NEK11: variants seen among roughly 807,000 people sequenced by gnomAD.
The protein encoded by NEK11 is serine/threonine-protein kinase Nek11.
A neutral mutation model predicts 80.7 loss-of-function variants in NEK11; 72 were observed. The observed-to-expected ratio is 0.89, with a 90% CI of 0.74 to 1.08. The LOEUF is 1.08. NEK11 is among the 50% of genes least tolerant of loss of function. The pLI is 0.00. For synonymous variants in NEK11, 251 were observed against 260.7 expected, an observed-to-expected ratio of 0.96 and a Z score of 0.36; for missense variants, 764 against 763.6, an observed-to-expected ratio of 1.00 and a Z score of -0.01.
At chr3:131,086,260 T>C (rs1198257546) in intron 4 of NEK11, among the ~76,000 whole-genome samples, 2 of 152,322 alleles carry the variant, frequency 1.3e-5, no homozygotes, top group African/African-American at 4.8e-5. Context: ...CCTGTTTCTT[T>C]TCAAATCTTC....
chr3:131,262,625 T>G (rs190707626), intron 16 of NEK11, among the ~76,000 whole-genome samples: 1 of 152,162 alleles, frequency 6.6e-6, no homozygotes, highest in Non-Finnish European at 1.5e-5. Context: ...TTTCTTCATG[T>G]TACTGGATTT....
At chr3:131,334,951 A>G (rs2097156717) in intron 17 of NEK11, among the ~76,000 whole-genome samples, 1 of 152,228 alleles carries the variant, frequency 6.6e-6, no homozygotes, top group South Asian at 2.1e-4. Flanking sequence ...GACCAATAAC[A>G]GGATCTGAAA....
At chr3:131,228,846 A>C (rs2095270399) in intron 15 of NEK11, among the ~76,000 whole-genome samples, 158 bp downstream of exon 15, 1 of 152,076 alleles carries the variant, frequency 6.6e-6, no homozygotes, top group African/African-American at 2.4e-5. Context: ...CAAGGTCCAG[A>C]GGCAGGCAGG....
chr3:131,121,654 A>G (rs912800756), intron 5 of NEK11, among the ~76,000 whole-genome samples: 3 of 152,050 alleles, frequency 2.0e-5, no homozygotes, highest in African/African-American at 7.2e-5. Context: ...CTTCCAGGCC[A>G]CTTTGTTTAC....
At chr3:131,082,354 G>A (rs1353825231) in intron 4 of NEK11, among the ~76,000 whole-genome samples, 3 of 152,108 alleles carry the variant, frequency 2.0e-5, no homozygotes. Context: ...GACTCATACT[G>A]CTTATAACTA....
chr3:131,105,563 T>C (rs577081141), intron 4 of NEK11, among the ~76,000 whole-genome samples: 2 of 152,288 alleles, frequency 1.3e-5, no homozygotes, highest in African/African-American at 2.4e-5. Context: ...CTTATAATCA[T>C]GTTGGAAGGC....
At chr3:131,036,503 C>A (rs932548908) in intron 3 of NEK11, among the ~76,000 whole-genome samples, 1 of 152,176 alleles carries the variant, frequency 6.6e-6, no homozygotes, top group African/African-American at 2.4e-5. Context: ...CTTACATAAT[C>A]ATAAATAATT....
chr3:131,202,536 G>A (rs1263497756), intron 14 of NEK11, among the ~76,000 whole-genome samples: 2 of 152,014 alleles, frequency 1.3e-5, no homozygotes, highest in Non-Finnish European at 2.9e-5. Flanking sequence ...TGGCATCTAA[G>A]ACACCAAAAG....
chr3:131,300,664 A>G (rs1459887232), intron 17 of NEK11, among the ~76,000 whole-genome samples: 1 of 151,936 alleles, frequency 6.6e-6, no homozygotes, highest in Non-Finnish European at 1.5e-5. Flanking sequence ...GTTTTTGTCA[A>G]CTTTGTCCAA....
At chr3:131,093,225 G>A (rs1290949237) in intron 4 of NEK11, among the ~76,000 whole-genome samples, 1 of 152,140 alleles carries the variant, frequency 6.6e-6, no homozygotes, top group East Asian at 1.9e-4. Flanking sequence ...TCATTGTATG[G>A]TAGATTACTT....
intron 3 of NEK11, among the ~76,000 whole-genome samples, chr3:131,030,512 A>G (rs1444247234): frequency 6.6e-6 from 1 of 152,240 alleles, no homozygotes; most frequent in Non-Finnish European, 1.5e-5. Flanking sequence ...AATTGTTCAT[A>G]ATGACTATTT....
At chr3:131,207,619 C>T (rs963635647) in intron 14 of NEK11, among the ~76,000 whole-genome samples, 1 of 152,012 alleles carries the variant, frequency 6.6e-6, no homozygotes, top group Non-Finnish European at 1.5e-5. Flanking sequence ...ACATCCTCTC[C>T]AGTACCTGTT....
At chr3:131,073,698 G>A (rs1182759392) in intron 3 of NEK11, among the ~76,000 whole-genome samples, 1 of 152,146 alleles carries the variant, frequency 6.6e-6, no homozygotes, top group African/African-American at 2.4e-5. Flanking sequence ...GGAGTATAGG[G>A]AAACCGGGCC....
intron 3 of NEK11, among the ~76,000 whole-genome samples, chr3:131,068,627 G>A (rs2072529422): frequency 6.6e-6 from 1 of 152,142 alleles, no homozygotes; most frequent in South Asian, 2.1e-4. Context: ...AACTTGGGCA[G>A]GCGGGAGAAA....
chr3:131,110,086 TTATATC>T (rs2079854947), intron 5 of NEK11, among the ~76,000 whole-genome samples, 165 bp downstream of exon 5: 2 of 152,206 alleles, frequency 1.3e-5, no homozygotes, highest in African/African-American at 4.8e-5. Flanking sequence ...TGTTGAATGA[TTATATC>T]TAGAGGATTT....
At chr3:131,175,598 T>G (rs1215647448) in intron 14 of NEK11, among the ~76,000 whole-genome samples, 2 of 152,102 alleles carry the variant, frequency 1.3e-5, no homozygotes, top group African/African-American at 2.4e-5. Context: ...GGGGTGGTAG[T>G]GGTGGGAGTT....
intron 4 of NEK11, among the ~76,000 whole-genome samples, chr3:131,094,726 G>C (rs1032893624): frequency 9.9e-5 from 15 of 152,194 alleles, no homozygotes; most frequent in Non-Finnish European, 2.9e-5. Flanking sequence ...GGTAGGAATT[G>C]AGTGATGTCC....
intron 3 of NEK11, among the ~76,000 whole-genome samples, chr3:131,047,573 A>G (rs1055317650): frequency 6.6e-6 from 1 of 152,206 alleles, no homozygotes; most frequent in Non-Finnish European, 1.5e-5. Context: ...CAGCAGAGCT[A>G]CTGGGCTCTG....
intron 7 of NEK11, among the ~76,000 whole-genome samples, chr3:131,136,843 C>G (rs138187660): frequency 6.6e-6 from 1 of 152,114 alleles, no homozygotes; most frequent in African/African-American, 2.4e-5. Flanking sequence ...AGTTGGGTTC[C>G]TAGGCCAGCT....
Sources: gnomAD v4.1 joint callset for allele counts (sites outside exome capture counted in the v4.1 genomes callset) on GRCh38, gnomAD v4.1.1 for gene constraint, MANE v1.5 for transcripts, NCBI Gene and HGNC (gene_info 2026-07-23, HGNC 2026-07-21) for gene names.